TP63: variants seen among roughly 807,000 people sequenced by gnomAD.
The protein encoded by TP63 is tumor protein p63, also known as tumor protein 63.
TP63 carries 17 observed loss-of-function variants against 82.8 expected under a neutral mutation model. The ratio of observed to expected loss-of-function variants is 0.21; its 90% CI spans 0.14 to 0.31. The LOEUF (loss-of-function observed/expected upper bound fraction) is 0.31. TP63 is among the 10% of genes least tolerant of loss of function. The pLI is 1.00. For missense variants in TP63, 648 were observed against 895.3 expected (o/e 0.72, Z 3.52); for synonymous variants, 330 against 321.7 (o/e 1.03, Z -0.28).
At chr3:189,808,556 C>G in intron 4 of TP63, 30 bp downstream of exon 4, 1 of 1,611,224 alleles carries the variant, frequency 6.2e-7, no homozygotes, top group Non-Finnish European at 8.5e-7. Context: ...ACATACCTGA[C>G]CCCCCAAGTC....
intron 4 of TP63, among the ~76,000 whole-genome samples, chr3:189,818,941 C>A (rs1276653911): frequency 6.6e-6 from 1 of 152,060 alleles, no homozygotes; most frequent in Non-Finnish European, 1.5e-5. Context: ...TGTGTTAGAC[C>A]CAGAGTTTGT....
Position 189,732,742 on chromosome 3 carries a change from AAACTTGCAATTCTTC to A in TP63, c.63-4993_63-4979del. ...TTGAACCTAGGTCAGCCCCATTCCA[AAACTTGCAATTCTTC>A]AACTCTATCCTCAAGGAGCTGTAAA... On this transcript the variant is annotated intron_variant, in intron 1 of 13. Transcript: ENST00000264731. Among the ~76,000 whole-genome samples, 2 of 152,332 alleles carry A rather than the reference AAACTTGCAATTCTTC, an allele frequency of 1.3e-5. 1 individual carries two copies. The highest frequency in any genetic ancestry group is 4.1e-4 in the South Asian group (2 of 4,830).
rs1729456613 is a variant in TP63 at position 189,631,546 on chromosome 3, C to T, written c.31C>T (p.Leu11=). Residue 11 remains leucine, a synonymous_variant, in exon 1 of 14, where the codon CTA becomes TTA. Transcript: ENST00000264731. ...TTTTGAAACTTCACGGTGTGCCACC[C>T]TACAGTACTGCCCTGACCCTTACAT... MNFETSRCAT[L]QYCPDPYIQR... is the part of the protein sequence containing the mutation. 3.7e-6 allele frequency: 6 copies of T among 1,612,908 alleles called. No homozygotes were observed. The highest frequency in any genetic ancestry group is 5.1e-6 in the Non-Finnish European group (6 of 1,179,142).
chr3:189,784,876 A>G (rs1320927428), intron 3 of TP63, among the ~76,000 whole-genome samples: 1 of 152,078 alleles, frequency 6.6e-6, no homozygotes, highest in African/African-American at 2.4e-5. Flanking sequence ...CAGGAGAGGA[A>G]GGTAAACACT....
At chr3:189,810,220 A>T (rs1727383349) in intron 4 of TP63, among the ~76,000 whole-genome samples, 1 of 152,192 alleles carries the variant, frequency 6.6e-6, no homozygotes, top group African/African-American at 2.4e-5. Flanking sequence ...TAGAGTTTAT[A>T]GGCTTCAAAT....
At chr3:189,752,180 CT>C (rs1721868827) in intron 3 of TP63, among the ~76,000 whole-genome samples, 1 of 151,750 alleles carries the variant, frequency 6.6e-6, no homozygotes, top group African/African-American at 2.4e-5. Flanking sequence ...TTTATTTTAT[CT>C]ATTTATTTTT....
chr3:189,891,842 G>A (rs573389079), intron 13 of TP63, among the ~76,000 whole-genome samples: 1 of 152,232 alleles, frequency 6.6e-6, no homozygotes, highest in South Asian at 2.1e-4. Context: ...GGGTACTTTG[G>A]ACTGCGGGAA....
intron 3 of TP63, among the ~76,000 whole-genome samples, chr3:189,767,108 C>T (rs1290479411): frequency 6.6e-6 from 1 of 152,044 alleles, no homozygotes; most frequent in Non-Finnish European, 1.5e-5. Flanking sequence ...TGTTTGTTTG[C>T]TTTCATACAA....
At chr3:189,833,621 G>A (rs929727708) in intron 4 of TP63, among the ~76,000 whole-genome samples, 10 of 151,226 alleles carry the variant, frequency 6.6e-5, no homozygotes, top group Non-Finnish European at 1.3e-4. Context: ...TGTCTTCTTA[G>A]AAGCAGATCA....
intron 1 of TP63, among the ~76,000 whole-genome samples, chr3:189,689,490 T>C (rs1716743911): frequency 6.6e-6 from 1 of 152,128 alleles, no homozygotes; most frequent in African/African-American, 2.4e-5. Context: ...ATACACATAC[T>C]TAGTTGTAGA....
Position 189,870,905 on chromosome 3 carries a change from T to C in TP63, c.1212+1499T>C, listed in dbSNP as rs191160012. Among the ~76,000 whole-genome samples the C allele has an allele frequency of 2.0e-5, 3 of 152,288 alleles. No individual in the cohort carries two copies. In the East Asian group the frequency reaches 5.8e-4, roughly 29 times the overall value. On this transcript the variant is annotated intron_variant, in intron 9 of 13. Coordinates refer to ENST00000264731, the MANE Select transcript of TP63 (RefSeq NM_003722.5). ...CAACGGATTTAGGTGTGCTGCACTTTCTTCCTCATCTTCTTTGGGTCCTGA... is the reference window on the plus strand; with the variant it reads ...CAACGGATTTAGGTGTGCTGCACTTCCTTCCTCATCTTCTTTGGGTCCTGA...
At chr3:189,647,641 G>A (rs1284785943) in intron 1 of TP63, among the ~76,000 whole-genome samples, 1 of 146,230 alleles carries the variant, frequency 6.8e-6, no homozygotes, top group Non-Finnish European at 1.5e-5. Flanking sequence ...TTTCAGTTAC[G>A]TCATGCTATA....
intron 3 of TP63, among the ~76,000 whole-genome samples, chr3:189,744,860 G>T (rs528894804): frequency 6.6e-6 from 1 of 152,098 alleles, no homozygotes; most frequent in Non-Finnish European, 1.5e-5. Flanking sequence ...CTGCCCTAGG[G>T]TCCAAGGACA....
At chr3:189,654,987 T>C (rs1264253788) in intron 1 of TP63, among the ~76,000 whole-genome samples, 1 of 152,148 alleles carries the variant, frequency 6.6e-6, no homozygotes, top group African/African-American at 2.4e-5. Context: ...TTGAACTATA[T>C]AGGACTCTGC....
chr3:189,851,693 G>A (rs1715653906), intron 4 of TP63, among the ~76,000 whole-genome samples: 3 of 152,282 alleles, frequency 2.0e-5, no homozygotes, highest in South Asian at 4.1e-4. Context: ...CTAGCTTGGT[G>A]CCTCATCTAC....
chr3:189,776,827 G>T (rs958819650), intron 3 of TP63, among the ~76,000 whole-genome samples: 2 of 152,188 alleles, frequency 1.3e-5, no homozygotes, highest in East Asian at 1.9e-4. Flanking sequence ...ACTTCTCTAC[G>T]CAGGATAAGA....
At chr3:189,719,071 G>C (rs1289701536) in intron 1 of TP63, among the ~76,000 whole-genome samples, 2 of 151,838 alleles carry the variant, frequency 1.3e-5, no homozygotes, top group Admixed American at 1.3e-4. Flanking sequence ...TGAAGTGTAG[G>C]GTAAGAGGAA....
At chr3:189,790,627 T>G (rs1725033425) in intron 3 of TP63, among the ~76,000 whole-genome samples, 2 of 152,034 alleles carry the variant, frequency 1.3e-5, no homozygotes, top group South Asian at 2.1e-4. Context: ...TTGAGGAAGT[T>G]TCCTAAGGTT....
At chr3:189,789,901 A>G in intron 3 of TP63, 27 of 1,471,976 alleles carry the variant, frequency 1.8e-5, no homozygotes, top group Non-Finnish European at 2.3e-5. Context: ...TTATTTTTGT[A>G]AAAAAACTTA....
Sources: gnomAD v4.1 joint callset for allele counts (sites outside exome capture counted in the v4.1 genomes callset) on GRCh38, gnomAD v4.1.1 for gene constraint, MANE v1.5 for transcripts, NCBI Gene and HGNC (gene_info 2026-07-23, HGNC 2026-07-21) for gene names.